ADAMTS9: variants seen among roughly 807,000 people sequenced by gnomAD.
ADAMTS9 encodes ADAM metallopeptidase with thrombospondin type 1 motif 9, also known as A disintegrin and metalloproteinase with thrombospondin motifs 9.
Under a neutral mutation model 257.1 loss-of-function variants are expected in ADAMTS9, and 107 were observed. That is an observed-to-expected ratio of 0.42 (90% confidence interval 0.36 to 0.49). ADAMTS9 has a LOEUF of 0.49. ADAMTS9 is among the 20% of genes least tolerant of loss of function. The pLI is 0.03. For missense variants in ADAMTS9, 2,353 were observed against 2,469.1 expected (o/e 0.95, Z 1.00); for synonymous variants, 982 against 880.9 (o/e 1.11, Z -2.03).
chr3:64,600,051 CTTTTTTTT>C (rs35753372), intron 26 of ADAMTS9, among the ~76,000 whole-genome samples: 8 of 104,190 alleles, frequency 7.7e-5, no homozygotes, highest in Non-Finnish European at 1.2e-4. Flanking sequence ...AGTTTCTGTT[CTTTTTTTT>C]TTTTTTTTTT....
Position 64,657,839 on chromosome 3 carries a change from C to T in ADAMTS9, c.969+663G>A, listed in dbSNP as rs539730099. 3.3e-5 allele frequency among the ~76,000 whole-genome samples: 5 copies of T among 152,222 alleles called. No homozygotes were observed. In the South Asian group the frequency reaches 6.2e-4, roughly 19 times the overall value. On this transcript the variant is annotated intron_variant, in intron 4 of 39. Coordinates refer to ENST00000498707, the MANE Select transcript of ADAMTS9 (RefSeq NM_182920.2). ...CTGGAAGTCTGCATAGAGAATGATA[C>T]TTAGTTTTTAACAATAGACTTTGGT...
rs1345467673 is a variant in ADAMTS9, at chr3:64,650,941, T to C, written c.1463+76A>G. On this transcript the variant is annotated intron_variant, in intron 9 of 39. Transcript: ENST00000498707. ...TCAAAAGGAATGTTTGACTTCATAT[T>C]GTCTTTCCCACAATTAGTTCACTAC... 57 of 1,437,794 alleles carry C rather than the reference T, an allele frequency of 4.0e-5. No individual in the cohort carries two copies. In the East Asian group the frequency reaches 1.2e-3, roughly 31 times the overall value. The allele number at this position is 1,437,794 out of a possible 1,614,324, so 89.1% of individuals were successfully genotyped here.
intron 32 of ADAMTS9, among the ~76,000 whole-genome samples, chr3:64,542,825 G>C (rs1423848519): frequency 6.6e-6 from 1 of 152,014 alleles, no homozygotes; most frequent in African/African-American, 2.4e-5. Context: ...ATGAATCCAG[G>C]AGCCGGTTTT....
Position 64,658,617 on chromosome 3 carries a change from G to A in ADAMTS9, c.854C>T (p.Thr285Ile), listed in dbSNP as rs754706694. Residue 285 changes from threonine (T) to isoleucine (I), a missense_variant, in exon 4 of 40, where the codon ACA becomes ATA. Around this residue, in one of 3 missense-constraint regions of ADAMTS9, gnomAD observed 591 missense variants for 569.6 expected, o/e 1.04. Transcript: ENST00000498707. ...CCGTGGATAGGATAAAAAACGTTTT[G>A]TCCTTCTGTGGGTCCTCTTTTCTCT... Reference protein sequence around the residue: ...NTREKRTHRRTKRFLSYPRFV... With the variant: ...NTREKRTHRRIKRFLSYPRFV... 6.2e-7 allele frequency: 1 copy of A among 1,613,930 alleles called. No individual in the cohort carries two copies. Among genetic ancestry groups the A allele is most frequent in the East Asian group, 2.2e-5 (1 of 44,854 alleles).
intron 38 of ADAMTS9, among the ~76,000 whole-genome samples, chr3:64,526,782 G>A (rs184617657): frequency 1.7e-3 from 254 of 152,182 alleles, no homozygotes; most frequent in African/African-American, 5.7e-3. Flanking sequence ...ACCCCATCAC[G>A]GGTTTGCTGT....
At chr3:64,624,018 G>T (rs999722194) in intron 16 of ADAMTS9, among the ~76,000 whole-genome samples, 14 of 151,428 alleles carry the variant, frequency 9.2e-5, no homozygotes, top group Non-Finnish European at 1.9e-4. Context: ...ATCTAAAATA[G>T]TCAAACCCAT....
chr3:64,577,580 C>G (rs940123086), intron 28 of ADAMTS9, among the ~76,000 whole-genome samples: 2 of 152,144 alleles, frequency 1.3e-5, no homozygotes, highest in African/African-American at 2.4e-5. Flanking sequence ...CTGGTAGGAA[C>G]AGTGACCAAA....
intron 12 of ADAMTS9, among the ~76,000 whole-genome samples, chr3:64,639,758 T>C (rs1367429785): frequency 6.6e-6 from 1 of 152,208 alleles, no homozygotes; most frequent in Non-Finnish European, 1.5e-5. Context: ...GTTGTTACGA[T>C]ACAAGGTTTT....
At chr3:64,642,076 C>G (rs7632802) in intron 11 of ADAMTS9, 83 bp from the exon 12 acceptor site, 2 of 1,466,092 alleles carry the variant, frequency 1.4e-6, no homozygotes, top group African/African-American at 1.4e-5. Context: ...ACACACCATA[C>G]TGTAATTCTT....
chr3:64,684,095 AAGC>A (rs1701830435), intron 2 of ADAMTS9, among the ~76,000 whole-genome samples: 1 of 152,314 alleles, frequency 6.6e-6, no homozygotes, highest in East Asian at 1.9e-4. Context: ...GGTGCAGAGA[AAGC>A]AGTGTAAAAC....
At chr3:64,653,832 C>T (rs1700991614) in intron 8 of ADAMTS9, among the ~76,000 whole-genome samples, 1 of 151,398 alleles carries the variant, frequency 6.6e-6, no homozygotes, top group Non-Finnish European at 1.5e-5. Flanking sequence ...ATGATTCCTT[C>T]TTTCTATCTT....
intron 28 of ADAMTS9, among the ~76,000 whole-genome samples, chr3:64,572,117 G>A (rs62247579): frequency 0.12 from 18,578 of 152,092 alleles, 1,373 homozygotes; most frequent in East Asian, 0.26. Context: ...CCAACTTTGT[G>A]TAACAGAATG....
chr3:64,621,560 G>C (rs1006934702), intron 18 of ADAMTS9, among the ~76,000 whole-genome samples: 2 of 152,038 alleles, frequency 1.3e-5, no homozygotes, highest in Non-Finnish European at 2.9e-5. Flanking sequence ...TCAGATGTTT[G>C]AGAACAGCCT....
intron 30 of ADAMTS9, among the ~76,000 whole-genome samples, chr3:64,555,823 CG>C (rs570234625): frequency 2.3e-3 from 347 of 152,030 alleles, no homozygotes; most frequent in African/African-American, 8.2e-3. Context: ...GGTGGAGAAG[CG>C]GGGGAGCAGA....
intron 9 of ADAMTS9, 150 bp downstream of exon 9, chr3:64,650,867 C>CTTT (rs35102734): frequency 9.4e-5 from 45 of 477,276 alleles, no homozygotes; most frequent in South Asian, 2.5e-4. Context: ...TGTCAGAGAG[C>CTTT]TTTTTTTTTT....
intron 3 of ADAMTS9, among the ~76,000 whole-genome samples, chr3:64,670,364 C>G (rs1457179204): frequency 6.6e-6 from 1 of 152,166 alleles, no homozygotes; most frequent in Non-Finnish European, 1.5e-5. Context: ...TAACAACTGC[C>G]TTTTCTCTTG....
At chr3:64,573,976 T>TCC (rs2083765726) in intron 28 of ADAMTS9, among the ~76,000 whole-genome samples, 1 of 152,230 alleles carries the variant, frequency 6.6e-6, no homozygotes. Context: ...CTCATACATG[T>TCC]TTACTTGCTG....
chr3:64,638,022 T>A (rs572679351), intron 12 of ADAMTS9, among the ~76,000 whole-genome samples: 21 of 152,190 alleles, frequency 1.4e-4, no homozygotes, highest in Admixed American at 2.6e-4. Context: ...GAAATAGACA[T>A]ATGTCTTAAA....
Position 64,541,898 on chromosome 3 carries a change from G to A in ADAMTS9, c.5137C>T (p.His1713Tyr). 1 of 1,614,138 alleles carries A rather than the reference G, an allele frequency of 6.2e-7. No homozygotes were observed. The highest frequency in any genetic ancestry group is 8.5e-7 in the Non-Finnish European group (1 of 1,180,008). The change falls in exon 33 of 40, where the codon CAC becomes TAC. Residue 1713 changes from histidine (H) to tyrosine (Y), a missense_variant. Transcript: ENST00000498707. ...GGCTTCAGATCAGTGTGGCATAAGTGGCTGGGTTGGTCCTCATTGGTTAAA... is the reference window on the plus strand; with the variant it reads ...GGCTTCAGATCAGTGTGGCATAAGTAGCTGGGTTGGTCCTCATTGGTTAAA... Reference protein sequence around the residue: ...QCLTNEDQPSHLCHTDLKPEE... With the variant: ...QCLTNEDQPSYLCHTDLKPEE...
Sources: allele counts gnomAD v4.1 joint callset (sites outside exome capture counted in the v4.1 genomes callset), GRCh38; gene constraint gnomAD v4.1.1; regional missense constraint gnomAD v4.1.1; transcripts MANE v1.5; gene names NCBI Gene and HGNC (gene_info 2026-07-23, HGNC 2026-07-21).